FRY: variants seen among roughly 807,000 people sequenced by gnomAD.
FRY encodes the protein protein furry homolog.
A neutral mutation model predicts 348.4 loss-of-function variants in FRY; 128 were observed. The ratio of observed to expected loss-of-function variants is 0.37; its 90% CI spans 0.32 to 0.43. FRY has a LOEUF of 0.43. FRY is among the 20% of genes least tolerant of loss of function. The pLI is 1.00. For synonymous variants in FRY, 1,370 were observed against 1,374.7 expected (o/e 1.00, Z 0.08); for missense variants, 2,736 against 3,695.2 (o/e 0.74, Z 6.73).
chr13:32,149,186 T>C (rs1391325619), intron 13 of FRY, among the ~76,000 whole-genome samples: 1 of 149,208 alleles, frequency 6.7e-6, no homozygotes, highest in Non-Finnish European at 1.5e-5. Flanking sequence ...ACTATTGTTA[T>C]ATATATACCT....
intron 23 of FRY, among the ~76,000 whole-genome samples, chr13:32,181,170 G>C (rs967174746): frequency 6.6e-6 from 1 of 152,080 alleles, no homozygotes; most frequent in Non-Finnish European, 1.5e-5. Flanking sequence ...GATTACAGGC[G>C]TGAGCCACCA....
chr13:32,115,504 G>A (rs1878242778), intron 3 of FRY, among the ~76,000 whole-genome samples: 2 of 152,232 alleles, frequency 1.3e-5, no homozygotes, highest in South Asian at 4.1e-4. Flanking sequence ...AATCTTTAGA[G>A]TCTTCTCATT....
chr13:32,116,152 G>A (rs1878289239), intron 3 of FRY, among the ~76,000 whole-genome samples: 1 of 152,100 alleles, frequency 6.6e-6, no homozygotes, highest in African/African-American at 2.4e-5. Flanking sequence ...ATGGACTTGA[G>A]ATAAATTCTA....
chr13:32,285,000 C>T (rs1888977489), intron 58 of FRY, among the ~76,000 whole-genome samples: 1 of 152,200 alleles, frequency 6.6e-6, no homozygotes, highest in African/African-American at 2.4e-5. Flanking sequence ...AAATTCTTAA[C>T]ATCTTGGCTT....
At chr13:32,263,854 A>C (rs1017155337) in intron 53 of FRY, among the ~76,000 whole-genome samples, 1 of 152,152 alleles carries the variant, frequency 6.6e-6, no homozygotes, top group Non-Finnish European at 1.5e-5. Flanking sequence ...TAAAAACACA[A>C]AAAAATTAAC....
At chr13:32,092,615 C>A (rs541004389) in intron 2 of FRY, among the ~76,000 whole-genome samples, 1 of 152,154 alleles carries the variant, frequency 6.6e-6, no homozygotes, top group African/African-American at 2.4e-5. Flanking sequence ...TATGGAAATA[C>A]TGAAACTCCT....
chr13:32,236,367 C>T (rs1245585195), intron 43 of FRY, among the ~76,000 whole-genome samples, 195 bp downstream of exon 43: 1 of 142,000 alleles, frequency 7.0e-6, no homozygotes, highest in African/African-American at 2.7e-5. Flanking sequence ...CACACACACA[C>T]ACATTATATA....
chr13:32,178,161 C>G lies in FRY; in HGVS notation c.2422-16C>G, dbSNP rs374579045. Reference sequence around the variant, plus strand: ...CAGTTCGGGTTTAACTTACAACCTACCTCTTATACCTACAGGCAACATTAC... The same window carrying G: ...CAGTTCGGGTTTAACTTACAACCTAGCTCTTATACCTACAGGCAACATTAC... On this transcript the variant is annotated splice_polypyrimidine_tract_variant and intron_variant, in intron 20 of 60. Transcript: ENST00000542859. 11 of 1,613,882 alleles carry G rather than the reference C, an allele frequency of 6.8e-6. No individual in the cohort carries two copies. The highest frequency in any genetic ancestry group is 1.3e-5 in the African/African-American group (1 of 74,922).
Position 32,136,921 on chromosome 13 carries a change from G to A in FRY, c.1128G>A (p.Leu376=). 1.2e-6 allele frequency: 2 copies of A among 1,611,678 alleles called. No individual in the cohort carries two copies. The highest frequency in any genetic ancestry group is 1.7e-6 in the Non-Finnish European group (2 of 1,177,776). ...TGCTCTGTGTCAGTCAGAAGCAGCT[G>A]TTCCTGAACAGGTGGCACATTTTCC... The part of the protein sequence containing the change: ...TCLLCVSQKQ[L]FLNRWHIFLN... Residue 376 remains leucine, a synonymous_variant, in exon 11 of 61, where the codon CTG becomes CTA. Coordinates refer to ENST00000542859, the MANE Select transcript of FRY (RefSeq NM_023037.3).
chr13:32,102,887 G>A (rs1877257529), intron 3 of FRY, among the ~76,000 whole-genome samples: 1 of 152,216 alleles, frequency 6.6e-6, no homozygotes, highest in Admixed American at 6.5e-5. Flanking sequence ...AATACTGCTA[G>A]ATATTCCCTG....
At chr13:32,041,238 AG>A (rs1442730854) in intron 1 of FRY, among the ~76,000 whole-genome samples, 5 of 146,896 alleles carry the variant, frequency 3.4e-5, no homozygotes, top group Non-Finnish European at 3.0e-5. Context: ...ACATGGACTT[AG>A]CTATAGTATC....
intron 36 of FRY, among the ~76,000 whole-genome samples, chr13:32,223,657 A>ACAGC (rs1885432538): frequency 6.6e-6 from 1 of 152,184 alleles, no homozygotes; most frequent in Non-Finnish European, 1.5e-5. Flanking sequence ...GTGGTGGCAC[A>ACAGC]TGCCTATAGT....
intron 1 of FRY, among the ~76,000 whole-genome samples, chr13:32,076,207 A>G (rs1308866434): frequency 6.6e-6 from 1 of 152,204 alleles, no homozygotes; most frequent in Non-Finnish European, 1.5e-5. Flanking sequence ...TCATGCAATT[A>G]TGGATCTTGT....
intron 46 of FRY, among the ~76,000 whole-genome samples, chr13:32,242,756 T>A (rs7318708): frequency 0.15 from 22,355 of 152,052 alleles, 2,566 homozygotes; most frequent in African/African-American, 0.3. Flanking sequence ...GCTGGTCTTG[T>A]ACTCCTGACC....
intron 4 of FRY, among the ~76,000 whole-genome samples, chr13:32,117,710 T>C (rs902562049): frequency 1.3e-5 from 2 of 152,124 alleles, no homozygotes; most frequent in Non-Finnish European, 2.9e-5. Flanking sequence ...TGGAGACAGG[T>C]GTGAAGGGCC....
intron 18 of FRY, among the ~76,000 whole-genome samples, chr13:32,171,562 T>C (rs772259581): frequency 6.6e-6 from 1 of 152,120 alleles, no homozygotes; most frequent in Non-Finnish European, 1.5e-5. Flanking sequence ...TCCTCCCGTC[T>C]CAGCCTCCCA....
chr13:32,180,588 C>CT (rs1463977685), intron 23 of FRY, among the ~76,000 whole-genome samples: 1 of 152,106 alleles, frequency 6.6e-6, no homozygotes, highest in East Asian at 1.9e-4. Flanking sequence ...CATATACCTG[C>CT]TTTCTGGATT....
intron 18 of FRY, among the ~76,000 whole-genome samples, chr13:32,172,690 G>C (rs1204643751): frequency 2.6e-5 from 4 of 152,140 alleles, no homozygotes; most frequent in African/African-American, 9.7e-5. Context: ...AGCATCTGGG[G>C]AACAGCTGGG....
intron 40 of FRY, among the ~76,000 whole-genome samples, chr13:32,229,648 T>G (rs1426756192): frequency 1.3e-5 from 2 of 152,196 alleles, no homozygotes; most frequent in Non-Finnish European, 2.9e-5. Context: ...ACCACGTGTT[T>G]GGAATAACTC....
Sources: gnomAD v4.1 joint callset for allele counts (sites outside exome capture counted in the v4.1 genomes callset) on GRCh38, gnomAD v4.1.1 for gene constraint, MANE v1.5 for transcripts, NCBI Gene and HGNC (gene_info 2026-07-23, HGNC 2026-07-21) for gene names.